Variants in VSX2 observed in about 807,000 individuals in gnomAD.
The protein encoded by VSX2 is ceh-10 homeo domain containing homolog.
VSX2 carries 28 observed loss-of-function variants against 32.1 expected under a neutral mutation model. That is an observed-to-expected ratio of 0.87 (90% CI 0.65 to 1.20). The LOEUF is 1.20. VSX2 is among the 50% of genes most tolerant of loss of function. VSX2 has a pLI of 0.00. For synonymous variants in VSX2, 243 were observed against 214.1 expected (o/e 1.14, Z -1.18); for missense variants, 506 against 488.7 (o/e 1.04, Z -0.33).
chr14:74,239,967 G>A (rs544602655), intron 1 of VSX2, 36 bp downstream of exon 1: 5 of 1,544,356 alleles, frequency 3.2e-6, no homozygotes, highest in Admixed American at 3.9e-5. Context: ...GCCTGACTGG[G>A]GGGCGACAGC....
At chr14:74,252,971 C>G (rs1032548600) in intron 3 of VSX2, among the ~76,000 whole-genome samples, 13 of 149,690 alleles carry the variant, frequency 8.7e-5, no homozygotes, top group African/African-American at 3.2e-4. Flanking sequence ...ATTGCTGGAA[C>G]CTGGGAGGCA....
chr14:74,254,978 C>T (rs1402791808), intron 3 of VSX2, among the ~76,000 whole-genome samples: 1 of 151,902 alleles, frequency 6.6e-6, no homozygotes, highest in Admixed American at 6.6e-5. Context: ...GTCGGGGTTT[C>T]ACCGTGTTAG....
At chr14:74,246,193 C>T (rs747972117) in intron 3 of VSX2, among the ~76,000 whole-genome samples, 1 of 152,244 alleles carries the variant, frequency 6.6e-6, no homozygotes, top group Admixed American at 6.5e-5. Context: ...CTGCTCCCAT[C>T]GCCTGAGCGG....
rs1015839483 is a variant in VSX2, at chr14:74,242,594, T to A, written c.455+1328T>A. ...TTTATTTTAAAAGGAAAAAGAAAAA[T>A]TTTTTTGGTCTTGATCTTTGGTCTT... is the stretch of plus-strand genomic sequence containing the variant. On this transcript the variant is annotated intron_variant, in intron 2 of 4. Transcript: ENST00000261980. Among the ~76,000 whole-genome samples, 3 of 147,044 alleles carry A rather than the reference T, an allele frequency of 2.0e-5. No individual in the cohort carries two copies. In the East Asian group the frequency reaches 6.0e-4, roughly 29 times the overall value.
chr14:74,248,360 A>AAAAAAAAAAAAAAG (rs2079207802), intron 3 of VSX2, among the ~76,000 whole-genome samples: 1 of 117,506 alleles, frequency 8.5e-6, no homozygotes, highest in Non-Finnish European at 2.0e-5. Context: ...AACAAAAAAA[A>AAAAAAAAAAAAAAG]CCAAAAACGA....
chr14:74,243,711 C>T (rs745563235), intron 2 of VSX2, among the ~76,000 whole-genome samples: 1 of 151,548 alleles, frequency 6.6e-6, no homozygotes, highest in Admixed American at 6.6e-5. Context: ...TCACCCCCCA[C>T]CCCCAGAGAA....
At chr14:74,245,613 G>T (rs1319645053) in intron 3 of VSX2, among the ~76,000 whole-genome samples, 1 of 152,070 alleles carries the variant, frequency 6.6e-6, no homozygotes, top group East Asian at 1.9e-4. Context: ...TCTCTGTTGA[G>T]GCGGAGGTCC....
chr14:74,258,623 G>A (rs574447979), intron 3 of VSX2, among the ~76,000 whole-genome samples: 2 of 152,302 alleles, frequency 1.3e-5, no homozygotes, highest in Non-Finnish European at 2.9e-5. Flanking sequence ...GACCTCCTTG[G>A]CGGACAATGC....
chr14:74,257,771 G>A (rs1415330464), intron 3 of VSX2, among the ~76,000 whole-genome samples: 1 of 151,992 alleles, frequency 6.6e-6, no homozygotes, highest in Non-Finnish European at 1.5e-5. Context: ...GAAGCGAAGG[G>A]TTAAGCTGTC....
intron 3 of VSX2, among the ~76,000 whole-genome samples, chr14:74,247,020 G>T (rs1358880378): frequency 6.6e-6 from 1 of 152,070 alleles, no homozygotes; most frequent in Admixed American, 6.6e-5. Flanking sequence ...GAAGGAGCTT[G>T]GGGTGTGGGA....
chr14:74,248,884 G>T (rs894071450), intron 3 of VSX2, among the ~76,000 whole-genome samples: 6 of 152,150 alleles, frequency 3.9e-5, no homozygotes, highest in Non-Finnish European at 7.4e-5. Flanking sequence ...TTCCAGGGAG[G>T]TGCCTCCTGA....
intron 3 of VSX2, among the ~76,000 whole-genome samples, chr14:74,255,142 T>C (rs934127215): frequency 1.3e-5 from 2 of 152,162 alleles, no homozygotes; most frequent in South Asian, 4.1e-4. Flanking sequence ...TCAAGTAACT[T>C]GCCCAAAGTC....
intron 3 of VSX2, among the ~76,000 whole-genome samples, chr14:74,252,769 CA>C (rs1387876900): frequency 6.6e-6 from 1 of 151,852 alleles, no homozygotes; most frequent in Non-Finnish European, 1.5e-5. Flanking sequence ...CAGGCTTGTC[CA>C]GGGGTGGTGG....
intron 3 of VSX2, among the ~76,000 whole-genome samples, chr14:74,255,748 C>G (rs551861502): frequency 6.6e-6 from 1 of 151,800 alleles, no homozygotes; most frequent in South Asian, 2.1e-4. Flanking sequence ...GGTATCCACA[C>G]TGGGTGGGTG....
chr14:74,258,439 C>G (rs1334544901), intron 3 of VSX2, among the ~76,000 whole-genome samples: 1 of 152,134 alleles, frequency 6.6e-6, no homozygotes, highest in Non-Finnish European at 1.5e-5. Flanking sequence ...CAGACCCAGG[C>G]AAGGAAATCG....
At chr14:74,244,803 C>A (rs114958027) in intron 2 of VSX2, among the ~76,000 whole-genome samples, 4,385 of 151,660 alleles carry the variant, frequency 0.029, 147 homozygotes, top group Admixed American at 0.091. Context: ...CCCCCAAACA[C>A]AGGAAGGGTA....
intron 3 of VSX2, among the ~76,000 whole-genome samples, chr14:74,259,221 A>G (rs2079286802): frequency 6.6e-6 from 1 of 152,204 alleles, no homozygotes; most frequent in African/African-American, 2.4e-5. Flanking sequence ...AGTGCTGGGA[A>G]AGGAATTTGT....
At chr14:74,245,346 C>T in intron 3 of VSX2, 58 bp downstream of exon 3, 1 of 1,608,312 alleles carries the variant, frequency 6.2e-7, no homozygotes, top group East Asian at 2.2e-5. Context: ...ACATCTACCA[C>T]TCCAGGGTTC....
intron 3 of VSX2, among the ~76,000 whole-genome samples, chr14:74,245,600 G>A (rs370547455): frequency 9.9e-5 from 15 of 152,122 alleles, no homozygotes; most frequent in African/African-American, 3.4e-4. Context: ...GTCCTGGGCA[G>A]GGTCTCTGTT....
Sources: allele counts gnomAD v4.1 joint callset (sites outside exome capture counted in the v4.1 genomes callset), GRCh38; gene constraint gnomAD v4.1.1; transcripts MANE v1.5; gene names NCBI Gene and HGNC (gene_info 2026-07-23, HGNC 2026-07-21).